The following BNC2 variants were observed in gnomAD, a reference collection of about 807,000 sequenced individuals.
BNC2 encodes basonuclin zinc finger protein 2.
A neutral mutation model predicts 76.3 loss-of-function variants in BNC2; 20 were observed. That is an observed-to-expected ratio of 0.26 (90% confidence interval 0.18 to 0.38). BNC2 has a LOEUF of 0.38. Among genes scored for constraint, BNC2 ranks in the 10% least tolerant of loss-of-function variants. The pLI is 1.00. For missense variants in BNC2, 1,382 were observed against 1,399.8 expected, an observed-to-expected ratio of 0.99 and a Z score of 0.20; for synonymous variants, 582 against 514.8, an observed-to-expected ratio of 1.13 and a Z score of -1.77.
intron 4 of BNC2, among the ~76,000 whole-genome samples, chr9:16,554,280 T>A (rs1386977782): frequency 3.3e-5 from 5 of 152,224 alleles, no homozygotes; most frequent in Non-Finnish European, 1.5e-5. Flanking sequence ...GTATTTCATA[T>A]GTATTTTTTC....
chr9:16,711,632 C>T (rs1258757140), intron 3 of BNC2, among the ~76,000 whole-genome samples: 2 of 152,142 alleles, frequency 1.3e-5, no homozygotes, highest in Non-Finnish European at 2.9e-5. Flanking sequence ...CTATTCTTTC[C>T]TAACTCATTT....
At chr9:16,853,494 T>A (rs1819179184) in intron 1 of BNC2, among the ~76,000 whole-genome samples, 1 of 152,192 alleles carries the variant, frequency 6.6e-6, no homozygotes, top group Non-Finnish European at 1.5e-5. Context: ...TTAATCCATG[T>A]TCTACAATTC....
chr9:16,869,628 C>G (rs959268583), intron 1 of BNC2, among the ~76,000 whole-genome samples: 5 of 152,200 alleles, frequency 3.3e-5, no homozygotes, highest in African/African-American at 9.6e-5. Context: ...AATAGCGACG[C>G]TGGGAGGAAG....
intron 3 of BNC2, among the ~76,000 whole-genome samples, chr9:16,721,363 A>G (rs1390671169): frequency 6.6e-6 from 1 of 152,158 alleles, no homozygotes; most frequent in Non-Finnish European, 1.5e-5. Flanking sequence ...AGTTTCTTGA[A>G]AGGGTCTTTG....
chr9:16,779,776 G>C (rs1434333913), intron 1 of BNC2, among the ~76,000 whole-genome samples: 3 of 152,182 alleles, frequency 2.0e-5, no homozygotes, highest in Non-Finnish European at 4.4e-5. Flanking sequence ...GTCCAGAAGA[G>C]GCAATCCATA....
intron 3 of BNC2, among the ~76,000 whole-genome samples, chr9:16,597,127 TCTTAA>T (rs1313249779): frequency 2.6e-5 from 4 of 152,118 alleles, no homozygotes; most frequent in Non-Finnish European, 5.9e-5. Context: ...AGCTCGGTCC[TCTTAA>T]CTTTTACACA....
chr9:16,454,266 T>C (rs1165694823), intron 5 of BNC2, among the ~76,000 whole-genome samples: 1 of 152,204 alleles, frequency 6.6e-6, no homozygotes, highest in African/African-American at 2.4e-5. Context: ...AGAGCAGAGC[T>C]TGGATGGTAC....
chr9:16,762,336 G>C (rs1825576670), intron 1 of BNC2, among the ~76,000 whole-genome samples: 3 of 152,150 alleles, frequency 2.0e-5, no homozygotes, highest in Admixed American at 2.0e-4. Flanking sequence ...ACTATCCAAA[G>C]ACATCCAGAG....
At chr9:16,748,615 G>C (rs1239216424) in intron 1 of BNC2, among the ~76,000 whole-genome samples, 1 of 151,928 alleles carries the variant, frequency 6.6e-6, no homozygotes, top group East Asian at 1.9e-4. Context: ...GGCCAAGGTG[G>C]GTGGACCACT....
At chr9:16,829,048 G>C (rs2136004473) in intron 1 of BNC2, among the ~76,000 whole-genome samples, 1 of 152,268 alleles carries the variant, frequency 6.6e-6, no homozygotes, top group African/African-American at 2.4e-5. Context: ...GCCGGCACGA[G>C]GCACCAGGGG....
chr9:16,525,197 C>G (rs1308760935), intron 5 of BNC2, among the ~76,000 whole-genome samples: 1 of 151,988 alleles, frequency 6.6e-6, no homozygotes, highest in East Asian at 1.9e-4. Flanking sequence ...GAAGATCTTT[C>G]TAAGCCAGAC....
In BNC2 at chr9:16,412,804, C is replaced by T. The variant is rs1820499320; in HGVS notation, c.*6185G>A. On this transcript the variant is annotated 3_prime_UTR_variant, in exon 7 of 7. Coordinates refer to ENST00000380672, the MANE Select transcript of BNC2 (RefSeq NM_017637.6). ...GGATGTGTGTGTACATCAGGGAACTCGATGGGAAAGCCTAGCCCTTGTAGT... is the reference window on the plus strand; with the variant it reads ...GGATGTGTGTGTACATCAGGGAACTTGATGGGAAAGCCTAGCCCTTGTAGT... The T allele has an allele frequency of 6.7e-6, 1 of 150,220 alleles. No individual in the cohort carries two copies. 9.3% of individuals were successfully genotyped at this position (150,220 alleles called of 1,614,324 possible). A position where few individuals can be genotyped will look rare whatever the true frequency, so the allele number is the denominator to read the frequency against.
At chr9:16,825,417 A>T (rs1380417798) in intron 1 of BNC2, among the ~76,000 whole-genome samples, 1 of 152,030 alleles carries the variant, frequency 6.6e-6, no homozygotes, top group Non-Finnish European at 1.5e-5. Flanking sequence ...TATCATTTGC[A>T]CCTCATTACA....
chr9:16,512,220 G>C (rs949599691), intron 5 of BNC2, among the ~76,000 whole-genome samples: 1 of 152,136 alleles, frequency 6.6e-6, no homozygotes, highest in African/African-American at 2.4e-5. Context: ...TCAAATTACT[G>C]ATGAAATTAT....
intron 5 of BNC2, among the ~76,000 whole-genome samples, chr9:16,448,514 A>T (rs1821273125): frequency 6.6e-6 from 1 of 152,180 alleles, no homozygotes; most frequent in African/African-American, 2.4e-5. Flanking sequence ...TTCACATATT[A>T]TACTTTGAAT....
At chr9:16,727,618 A>G (rs1824378117) in intron 3 of BNC2, 179 bp downstream of exon 3, 7 of 617,156 alleles carry the variant, frequency 1.1e-5, no homozygotes, top group South Asian at 2.1e-5. Flanking sequence ...CCTTAGGGAA[A>G]CCATGAAGTA....
chr9:16,430,678 G>A (rs1189217193), intron 6 of BNC2, among the ~76,000 whole-genome samples: 3 of 152,126 alleles, frequency 2.0e-5, no homozygotes, highest in Admixed American at 2.0e-4. Context: ...CTGGAAGTCA[G>A]GTAATCAGAC....
At chr9:16,691,668 C>T (rs932093555) in intron 3 of BNC2, among the ~76,000 whole-genome samples, 1 of 151,812 alleles carries the variant, frequency 6.6e-6, no homozygotes, top group Non-Finnish European at 1.5e-5. Flanking sequence ...CACCACCACG[C>T]CCAGCTAATT....
At chr9:16,782,667 C>T (rs1351434694) in intron 1 of BNC2, among the ~76,000 whole-genome samples, 1 of 152,088 alleles carries the variant, frequency 6.6e-6, no homozygotes, top group Non-Finnish European at 1.5e-5. Context: ...ACATATGTGC[C>T]GATGGAACTC....
Sources: gnomAD v4.1 joint callset for allele counts (sites outside exome capture counted in the v4.1 genomes callset) on GRCh38, gnomAD v4.1.1 for gene constraint, MANE v1.5 for transcripts, NCBI Gene and HGNC (gene_info 2026-07-23, HGNC 2026-07-21) for gene names.